The following ADAMTS2 variants were observed in gnomAD, a reference collection of about 807,000 sequenced individuals.
ADAMTS2 encodes A disintegrin and metalloproteinase with thrombospondin motifs 2.
Under a neutral mutation model 123.0 loss-of-function variants are expected in ADAMTS2, and 50 were observed. The observed-to-expected ratio is 0.41, with a 90% CI of 0.32 to 0.51. The LOEUF is 0.51. Ranked by LOEUF, ADAMTS2 falls within the 20% of genes least tolerant of loss-of-function variation. The pLI is 0.35. For synonymous variants in ADAMTS2, 678 were observed against 695.4 expected, an observed-to-expected ratio of 0.98 and a Z score of 0.39; for missense variants, 1,494 against 1,705.2, an observed-to-expected ratio of 0.88 and a Z score of 2.18.
At position 179,114,321 on chromosome 5, in the gene ADAMTS2, C is replaced by T; in HGVS notation, c.3182G>A (p.Gly1061Asp). The change falls in exon 22 of 22, where the codon GGC (glycine) becomes GAC (aspartate). Residue 1061 changes from glycine to aspartate, a missense_variant. By Grantham distance (94) the Gly-to-Asp change is moderately conservative. Around this residue, in one of 6 missense-constraint regions of ADAMTS2, gnomAD observed 953 missense variants for 1,124.7 expected, o/e 0.85. Transcript: ENST00000251582. ...TATTGACTTGTCGCCTTGGCAGTGG[C>T]CCTCTGAAAAAGAAAAGTGGGACAA... Reference protein sequence around the residue: ...DSPIRKISSKGHCQGDKSIFC... With the variant: ...DSPIRKISSKDHCQGDKSIFC... 1 of 1,613,116 alleles carries T rather than the reference C, an allele frequency of 6.2e-7. No homozygotes were observed.
intron 2 of ADAMTS2, among the ~76,000 whole-genome samples, chr5:179,306,384 T>C (rs1032381727): frequency 6.6e-6 from 1 of 152,184 alleles, no homozygotes; most frequent in Non-Finnish European, 1.5e-5. Flanking sequence ...TATCAAGTGA[T>C]AGAGAAAACC....
Position 179,237,587 on chromosome 5 carries a change from G to A in ADAMTS2, c.689-29872C>T, listed in dbSNP as rs528251195. 1.7e-3 allele frequency among the ~76,000 whole-genome samples: 252 copies of A among 152,286 alleles called. 2 individuals carry two copies. The highest frequency in any genetic ancestry group is 5.5e-3 in the African/African-American group (230 of 41,570). On this transcript the variant is annotated intron_variant, in intron 3 of 21. Coordinates refer to ENST00000251582, the MANE Select transcript of ADAMTS2 (RefSeq NM_014244.5). ...CTGGATCCAGTCGCGTCAGTTAAGCGGTGCTGCCCAGCTCTGGGAGGCTGG... is the reference window on the plus strand; with the variant it reads ...CTGGATCCAGTCGCGTCAGTTAAGCAGTGCTGCCCAGCTCTGGGAGGCTGG...
rs2113200307 is a variant in ADAMTS2, at chr5:179,130,058, T to C, written c.2331A>G (p.Glu777=). The change falls in exon 16 of 22, where the codon GAA becomes GAG. Residue 777 remains glutamate (E), a synonymous_variant. Transcript: ENST00000251582. The surrounding 1 kb of genome is among the most constrained non-coding windows in gnomAD (Gnocchi z 4.3). ...TGGAACTGGCATCCACGTCATTCTC[T>C]TCATTTAAGATGAACTTGCCTGTCT... is the stretch of plus-strand genomic sequence containing the variant. ...NLETGKFILN[E]ENDVDASSKT... The C allele has an allele frequency of 6.2e-7, 1 of 1,614,144 alleles. No individual in the cohort carries two copies. The highest frequency in any genetic ancestry group is 2.2e-5 in the East Asian group (1 of 44,874).
At chr5:179,141,571 T>C (rs943677716) in intron 10 of ADAMTS2, among the ~76,000 whole-genome samples, 16 of 152,204 alleles carry the variant, frequency 1.1e-4, no homozygotes, top group Non-Finnish European at 1.9e-4. Context: ...CTTTTTTTTT[T>C]TCTCAAGAAA....
intron 19 of ADAMTS2, 44 bp from the exon 20 acceptor site, chr5:179,122,817 G>T: frequency 6.5e-7 from 1 of 1,550,302 alleles, no homozygotes; most frequent in South Asian, 1.2e-5. Context: ...TCCCACACAG[G>T]GCCCGCACTG....
intron 3 of ADAMTS2, among the ~76,000 whole-genome samples, chr5:179,253,151 C>T (rs1002766544): frequency 6.6e-6 from 1 of 152,086 alleles, no homozygotes; most frequent in Non-Finnish European, 1.5e-5. Context: ...CTGGTGATAG[C>T]GTCCAGCCAG....
intron 3 of ADAMTS2, among the ~76,000 whole-genome samples, chr5:179,259,771 G>C (rs536095539): frequency 1.3e-5 from 2 of 152,328 alleles, no homozygotes; most frequent in East Asian, 3.9e-4. Context: ...GCTGGTGCTT[G>C]GGCCTGGAAG....
chr5:179,322,724 C>G (rs1370217412), intron 2 of ADAMTS2, among the ~76,000 whole-genome samples: 3 of 152,194 alleles, frequency 2.0e-5, no homozygotes, highest in Non-Finnish European at 2.9e-5. Flanking sequence ...GGGGCCCAGG[C>G]CAGGCGGGAC....
chr5:179,153,453 G>T, intron 9 of ADAMTS2, 38 bp downstream of exon 9: 1 of 1,602,518 alleles, frequency 6.2e-7, no homozygotes, highest in South Asian at 1.1e-5. Flanking sequence ...CCTCCCCCCA[G>T]ACCTGGGAGG....
intron 3 of ADAMTS2, among the ~76,000 whole-genome samples, chr5:179,239,997 G>A (rs1387585257): frequency 6.6e-6 from 1 of 152,166 alleles, no homozygotes; most frequent in African/African-American, 2.4e-5. Flanking sequence ...GTCCAAGTGG[G>A]GTTAAGACAC....
chr5:179,163,915 C>A (rs969495864), intron 5 of ADAMTS2, among the ~76,000 whole-genome samples: 2 of 151,780 alleles, frequency 1.3e-5, no homozygotes, highest in Non-Finnish European at 2.9e-5. Context: ...GAGGAGGGGG[C>A]AGAGGGGAGG....
At chr5:179,169,385 T>C (rs1376568967) in intron 5 of ADAMTS2, among the ~76,000 whole-genome samples, 1 of 152,130 alleles carries the variant, frequency 6.6e-6, no homozygotes, top group East Asian at 1.9e-4. Context: ...AATTACTCAG[T>C]CTAAGGTATT....
chr5:179,327,405 C>T (rs1423857159), intron 2 of ADAMTS2, among the ~76,000 whole-genome samples: 2 of 152,186 alleles, frequency 1.3e-5, no homozygotes, highest in African/African-American at 4.8e-5. Flanking sequence ...CCCGTAGAAA[C>T]TCAGGGCATC....
chr5:179,239,567 G>A (rs1765613564), intron 3 of ADAMTS2, among the ~76,000 whole-genome samples: 1 of 152,104 alleles, frequency 6.6e-6, no homozygotes, highest in East Asian at 1.9e-4. Flanking sequence ...TCAGGAGCGT[G>A]GGCAATACAG....
chr5:179,199,677 G>A (rs577177437), intron 4 of ADAMTS2, among the ~76,000 whole-genome samples: 131 of 152,236 alleles, frequency 8.6e-4, no homozygotes, highest in South Asian at 1.9e-3. Flanking sequence ...GCCTCCCCTC[G>A]GCAGGATTCC....
rs963006429 is a variant in ADAMTS2, at chr5:179,181,676, A to G, written c.892-521T>C. On this transcript the variant is annotated intron_variant, in intron 4 of 21. Transcript: ENST00000251582. The surrounding 1 kb of genome is among the most constrained non-coding windows in gnomAD (Gnocchi z 4.1). ...GTTTTAACGTGTTAATAAAAAGCTC[A>G]TATTACTGCATCCCCAATGTGCTCT... is the stretch of plus-strand genomic sequence containing the variant. Among the ~76,000 whole-genome samples the G allele has an allele frequency of 6.6e-6, 1 of 152,174 alleles. No individual in the cohort carries two copies. Among genetic ancestry groups the G allele is most frequent in the African/African-American group, 2.4e-5 (1 of 41,428 alleles).
At chr5:179,126,200 G>A in intron 17 of ADAMTS2, 70 bp from the exon 18 acceptor site, 1 of 1,595,434 alleles carries the variant, frequency 6.3e-7, no homozygotes, top group East Asian at 2.2e-5. Context: ...GGAGGGGTGG[G>A]CTGCACCAGC....
At chr5:179,246,767 A>C (rs1160579769) in intron 3 of ADAMTS2, among the ~76,000 whole-genome samples, 1 of 152,226 alleles carries the variant, frequency 6.6e-6, no homozygotes, top group Non-Finnish European at 1.5e-5. Flanking sequence ...GCTTTTAAGA[A>C]AGTCTCTGTC....
chr5:179,143,179 G>A (rs112902313), intron 10 of ADAMTS2, among the ~76,000 whole-genome samples: 24,564 of 152,162 alleles, frequency 0.16, 2,111 homozygotes, highest in African/African-American at 0.23. Flanking sequence ...CACACCTGTA[G>A]TCCCAGCACT....
Sources: gnomAD v4.1 joint callset for allele counts (sites outside exome capture counted in the v4.1 genomes callset) on GRCh38, gnomAD v4.1.1 for gene constraint, gnomAD v4.1.1 regional missense constraint, Gnocchi (gnomAD v3.1) non-coding constraint, MANE v1.5 for transcripts, NCBI Gene and HGNC (gene_info 2026-07-23, HGNC 2026-07-21) for gene names.